SHOX: variants seen among roughly 807,000 people sequenced by gnomAD.
SHOX encodes the protein short stature homeobox protein.
Under a neutral mutation model 29.6 loss-of-function variants are expected in SHOX, and 12 were observed. That is an observed-to-expected ratio of 0.41 (90% CI 0.26 to 0.66). The LOEUF is 0.66. SHOX is among the 30% of genes least tolerant of loss of function. The pLI, the probability that SHOX is intolerant of heterozygous loss-of-function variation, is 0.35. For synonymous variants in SHOX, 214 were observed against 200.6 expected (o/e 1.07, Z -0.57); for missense variants, 499 against 437.7 (o/e 1.14, Z -1.25).
intron 1 of SHOX, among the ~76,000 whole-genome samples, chrX:625,057 T>TCCTTCCTTCCTCCTTC (rs1556451931): frequency 5.1e-5 from 5 of 97,166 alleles, no homozygotes; most frequent in African/African-American, 1.7e-4. Context: ...CTCTGTTCCT[T>TCCTTCCTTCCTCCTTC]CCTCCCTCCC....
intron 1 of SHOX, among the ~76,000 whole-genome samples, chrX:625,222 C>T (rs1306510884): frequency 7.0e-6 from 1 of 143,448 alleles, no homozygotes; most frequent in Non-Finnish European, 1.5e-5. Flanking sequence ...CCTCCTCCTC[C>T]TTCTCCCTCC....
upstream of SHOX, among the ~76,000 whole-genome samples, chrX:627,326 T>C (rs1326376172): frequency 6.6e-6 from 1 of 152,158 alleles, no homozygotes; most frequent in East Asian, 1.9e-4. Context: ...TCTAACATGT[T>C]ATCAAGCACT....
chrX:624,931 T>TTTCTTTC (rs1556451858), intron 1 of SHOX, among the ~76,000 whole-genome samples: 4 of 60,768 alleles, frequency 6.6e-5, no homozygotes, highest in African/African-American at 3.4e-4. Flanking sequence ...TCTTTCTTTC[T>TTTCTTTC]TTTCTTTCTT....
At position 658,784 on chromosome X, in the gene SHOX, G is replaced by C. The variant is rs1308380568; in HGVS notation, c.634-1G>C. The stretch of plus-strand genomic sequence containing the variant: ...TGCACTTGGCCTTTTTTTTTTTTTA[G>C]ATGGAGTTTTGCTCTTGTCGCCCGG... On this transcript the variant is annotated splice_acceptor_variant, in intron 5 of 5. Coordinates refer to the SHOX transcript ENST00000334060. LOFTEE classifies it high-confidence loss of function. The C allele has an allele frequency of 5.9e-5, 21 of 358,602 alleles. No individual in the cohort carries two copies. Among genetic ancestry groups the C allele is most frequent in the Non-Finnish European group, 9.6e-5 (18 of 186,664 alleles). 22.2% of individuals were successfully genotyped at this position (358,602 alleles called of 1,614,324 possible). A position where few individuals can be genotyped will look rare whatever the true frequency, so the allele number is the denominator to read the frequency against.
intron 2 of SHOX, among the ~76,000 whole-genome samples, chrX:638,365 G>A (rs1384750814): frequency 1.3e-5 from 2 of 152,056 alleles, no homozygotes; most frequent in Admixed American, 1.3e-4. Flanking sequence ...TTGGGTGGCT[G>A]GCTTGCTTTC....
At chrX:637,617 G>A (rs1266372775) in intron 2 of SHOX, among the ~76,000 whole-genome samples, 1 of 152,052 alleles carries the variant, frequency 6.6e-6, no homozygotes, top group Non-Finnish European at 1.5e-5. Context: ...ATTCTCCATC[G>A]CCGCGGGGGG....
At chrX:641,538 G>A (rs2052853077) in intron 4 of SHOX, among the ~76,000 whole-genome samples, 1 of 151,962 alleles carries the variant, frequency 6.6e-6, no homozygotes, top group Non-Finnish European at 1.5e-5. Context: ...AAAACACAAA[G>A]CTTAGCCGGG....
At chrX:642,104 C>T (rs976286225) in intron 4 of SHOX, among the ~76,000 whole-genome samples, 2 of 152,194 alleles carry the variant, frequency 1.3e-5, no homozygotes, top group Admixed American at 1.3e-4. Flanking sequence ...CCCCGCCCTG[C>T]CCTGGCTTAG....
chrX:634,850 G>T (rs1199208113), intron 2 of SHOX, 24 bp downstream of exon 2: 2 of 1,547,646 alleles, frequency 1.3e-6, no homozygotes, highest in South Asian at 1.2e-5. Context: ...GGCGGGGGCG[G>T]GGGGCCCGGA....
chrX:633,799 C>T (rs753346333), intron 1 of SHOX, among the ~76,000 whole-genome samples: 2 of 152,154 alleles, frequency 1.3e-5, no homozygotes, highest in South Asian at 4.1e-4. Flanking sequence ...GCGAGGGAGA[C>T]ACCTTTTACT....
At chrX:636,177 G>A (rs1251364178) in intron 2 of SHOX, among the ~76,000 whole-genome samples, 2 of 146,092 alleles carry the variant, frequency 1.4e-5, no homozygotes, top group Admixed American at 6.9e-5. Flanking sequence ...ATAAATGTAT[G>A]TAAATATATA....
rs2052938291 is a variant in SHOX at position 644,922 on chromosome X, G to T, written c.*286G>T. The T allele has an allele frequency of 2.4e-6, 1 of 411,784 alleles. No homozygotes were observed. The highest frequency in any genetic ancestry group is 5.6e-5 in the South Asian group (1 of 17,888). 25.5% of individuals were successfully genotyped at this position (411,784 alleles called of 1,614,324 possible). On this transcript the variant is annotated 3_prime_UTR_variant, in exon 5 of 5. Coordinates refer to ENST00000686671, the MANE Select transcript of SHOX (RefSeq NM_000451.4). ...CGTGCGTCCTGGGACCCTGGAGAAG[G>T]GTAAACCCCCGCCTGGCTGCGTCTT...
At chrX:625,057 T>TCCTTCCTTCCTCCCTCTGTTCCTTC (rs1556451931) in intron 1 of SHOX, among the ~76,000 whole-genome samples, 3 of 97,044 alleles carry the variant, frequency 3.1e-5, no homozygotes, top group African/African-American at 1.0e-4. Flanking sequence ...CTCTGTTCCT[T>TCCTTCCTTCCTCCCTCTGTTCCTTC]CCTCCCTCCC....
chrX:644,068 G>A (rs1487208921), intron 4 of SHOX, among the ~76,000 whole-genome samples: 25 of 152,058 alleles, frequency 1.6e-4, no homozygotes, highest in Non-Finnish European at 3.4e-4. Context: ...AACGTTGTGA[G>A]CCAAAGTCCC....
Position 644,543 on chromosome X carries a change from G to GGTC in SHOX, c.788_790dup (p.Val263dup). 6.6e-7 allele frequency: 1 copy of GGTC among 1,517,732 alleles called. No homozygotes were observed. 94.0% of individuals were successfully genotyped at this position (1,517,732 alleles called of 1,614,324 possible). On this transcript the variant is annotated inframe_insertion, in exon 5 of 5. Transcript: ENST00000686671. ...CCGAGTCCGCCTCGGCCGCCGCCGT[G>GGTC]GTCGCCGCCGCCGCCAAAAGCAACA...
downstream of SHOX, among the ~76,000 whole-genome samples, chrX:655,755 G>T (rs909901140): frequency 1.3e-5 from 2 of 151,618 alleles, no homozygotes; most frequent in African/African-American, 4.8e-5. Flanking sequence ...AAGTTGTATT[G>T]AATGAGAAAC....
intron 4 of SHOX, among the ~76,000 whole-genome samples, chrX:641,671 C>T (rs1382216546): frequency 7.6e-6 from 1 of 131,454 alleles, no homozygotes; most frequent in African/African-American, 3.1e-5. Context: ...CAGAGTGAGA[C>T]TCCAAGACTC....
upstream of SHOX, among the ~76,000 whole-genome samples, chrX:627,261 C>A (rs1349287819): frequency 6.6e-6 from 1 of 152,146 alleles, no homozygotes; most frequent in Admixed American, 6.5e-5. Flanking sequence ...TCTCGGACAG[C>A]GTCTTGAATT....
chrX:657,097 A>C (rs1429851542), intron 5 of SHOX, among the ~76,000 whole-genome samples: 48 of 124,044 alleles, frequency 3.9e-4, no homozygotes, highest in East Asian at 7.7e-4. Context: ...AAAAAAAAAA[A>C]TGCTGCCCAA....
Sources: allele counts gnomAD v4.1 joint callset (sites outside exome capture counted in the v4.1 genomes callset), GRCh38; gene constraint gnomAD v4.1.1; transcripts MANE v1.5; gene names NCBI Gene and HGNC (gene_info 2026-07-23, HGNC 2026-07-21).